ZBTB41: variants seen among roughly 807,000 people sequenced by gnomAD.
The protein encoded by ZBTB41 is zinc finger and BTB domain-containing protein 41.
ZBTB41 carries 42 observed loss-of-function variants against 87.6 expected under a neutral mutation model. That is an observed-to-expected ratio of 0.48 (90% CI 0.37 to 0.62). The LOEUF (loss-of-function observed/expected upper bound fraction) is 0.62, where lower values mean the gene tolerates loss of function less well. Among genes scored for constraint, ZBTB41 ranks in the 20% least tolerant of loss-of-function variants. ZBTB41 has a pLI of 0.00. For missense variants in ZBTB41, 799 were observed against 1,078.9 expected, an observed-to-expected ratio of 0.74 and a Z score of 3.63; for synonymous variants, 364 against 364.0, an observed-to-expected ratio of 1.00 and a Z score of 0.00.
In ZBTB41 at chr1:197,191,616, T is replaced by C; in HGVS notation, c.1328+76A>G. The C allele has an allele frequency of 7.6e-6, 9 of 1,187,340 alleles. No individual in the cohort carries two copies. In the South Asian group the frequency reaches 1.2e-4, roughly 16 times the overall value. The allele number at this position is 1,187,340 out of a possible 1,614,324, so 73.6% of individuals were successfully genotyped here. On this transcript the variant is annotated intron_variant, in intron 3 of 10. Coordinates refer to ENST00000367405, the MANE Select transcript of ZBTB41 (RefSeq NM_194314.3). ...GAAAGAATTGGAGATAAGCACTTTA[T>C]AGATGTTTTTAGCTTTCCACATATT...
intron 6 of ZBTB41, 62 bp from the exon 7 acceptor site, chr1:197,178,574 G>T: frequency 8.3e-7 from 1 of 1,198,518 alleles, no homozygotes; most frequent in Non-Finnish European, 1.1e-6. Flanking sequence ...ATAGATTTCT[G>T]GAAAACTTAC....
In ZBTB41 at chr1:197,179,370, G is replaced by T. The variant is rs1005179234; in HGVS notation, c.1677-858C>A. On this transcript the variant is annotated intron_variant, in intron 6 of 10. Transcript: ENST00000367405. ...CTCACATGTTTGTGGTGATGCTGTT[G>T]TAGACAAACATACTACATTGCCAAC... Among the ~76,000 whole-genome samples the T allele has an allele frequency of 1.7e-4, 26 of 152,042 alleles. 1 individual carries two copies. Among genetic ancestry groups the T allele is most frequent in the Non-Finnish European group, 2.4e-4 (16 of 68,002 alleles).
intron 2 of ZBTB41, among the ~76,000 whole-genome samples, chr1:197,198,153 A>C (rs1660214525): frequency 6.6e-6 from 1 of 152,190 alleles, no homozygotes; most frequent in Non-Finnish European, 1.5e-5. Context: ...TTAACAACTT[A>C]CTTGTATACA....
rs986678895 is a variant in ZBTB41, at chr1:197,155,311, TAAAAA to T, written c.*4043_*4047del. The T allele has an allele frequency of 7.2e-6, 1 of 138,174 alleles. No individual in the cohort carries two copies. Among genetic ancestry groups the T allele is most frequent in the East Asian group, 2.1e-4 (1 of 4,818 alleles). 8.6% of individuals were successfully genotyped at this position (138,174 alleles called of 1,614,324 possible). ...TTGCCTATATAAACATAAAGCAACC[TAAAAA>T]AAAAAAGTTGCCCAACCAGCAGGCA... On this transcript the variant is annotated 3_prime_UTR_variant, in exon 11 of 11. Coordinates refer to ENST00000367405, the MANE Select transcript of ZBTB41 (RefSeq NM_194314.3).
intron 10 of ZBTB41, among the ~76,000 whole-genome samples, chr1:197,161,275 G>A (rs1659193437): frequency 6.6e-6 from 1 of 152,002 alleles, no homozygotes; most frequent in South Asian, 2.1e-4. Flanking sequence ...CACTAATACT[G>A]CAGTAGACAC....
intron 10 of ZBTB41, among the ~76,000 whole-genome samples, chr1:197,160,274 A>G (rs115428687): frequency 0.014 from 2,091 of 152,244 alleles, 43 homozygotes; most frequent in African/African-American, 0.048. Flanking sequence ...TCTATGCCTA[A>G]TTTTCTCATC....
intron 7 of ZBTB41, among the ~76,000 whole-genome samples, chr1:197,177,688 T>C (rs1324114485): frequency 6.6e-6 from 1 of 152,092 alleles, no homozygotes; most frequent in Non-Finnish European, 1.5e-5. Flanking sequence ...TTAACTTGAA[T>C]TACTTTTATC....
At chr1:197,163,388 A>G (rs557755018) in intron 10 of ZBTB41, among the ~76,000 whole-genome samples, 3 of 152,076 alleles carry the variant, frequency 2.0e-5, no homozygotes, top group Non-Finnish European at 4.4e-5. Context: ...CAAAATCAAT[A>G]TGATTAATAT....
In ZBTB41 at chr1:197,158,312, G is replaced by A. The variant is rs1398864249; in HGVS notation, c.*1047C>T. The A allele has an allele frequency of 6.6e-6, 1 of 152,296 alleles. No individual in the cohort carries two copies. The highest frequency in any genetic ancestry group is 2.4e-5 in the African/African-American group (1 of 41,386). The allele number at this position is 152,296 out of a possible 1,614,324, so 9.4% of individuals were successfully genotyped here. A position where few individuals can be genotyped will look rare whatever the true frequency, so the allele number is the denominator to read the frequency against. On this transcript the variant is annotated 3_prime_UTR_variant, in exon 11 of 11. Transcript: ENST00000367405. ...GCATGTAAATCTGTATATAAGTAGT[G>A]GTTCCATTTAATTAAACAATGTTAA...
chr1:197,159,791 C>G lies in ZBTB41; in HGVS notation c.2298G>C (p.Leu766Phe). ...TGTCATCAGATGAGTACTCAACTGG[C>G]AAGGATACAAGTTTTTCCTCAGAAG... ...LSTSEEKLVS[L>F]PVEYSSDDKI... Residue 766 changes from leucine (L) to phenylalanine (F), a missense_variant, in exon 11 of 11, where the codon TTG (leucine) becomes TTC (phenylalanine). Coordinates refer to ENST00000367405, the MANE Select transcript of ZBTB41 (RefSeq NM_194314.3). The G allele has an allele frequency of 6.2e-7, 1 of 1,613,894 alleles. No homozygotes were observed. The highest frequency in any genetic ancestry group is 8.5e-7 in the Non-Finnish European group (1 of 1,179,876).
In ZBTB41 at chr1:197,181,135, A is replaced by AG; in HGVS notation, c.1547-19_1547-18insC. ...AAAAGGACCTAAAAAGGAAAAAAAA[A>AG]AAGTGTGCATTTAAAGTTTAAAGAG... On this transcript the variant is annotated intron_variant, in intron 5 of 10. Coordinates refer to ENST00000367405, the MANE Select transcript of ZBTB41 (RefSeq NM_194314.3). 1 of 1,562,448 alleles carries AG rather than the reference A, an allele frequency of 6.4e-7. No homozygotes were observed. Among genetic ancestry groups the AG allele is most frequent in the Non-Finnish European group, 8.6e-7 (1 of 1,167,196 alleles).
chr1:197,198,456 G>T (rs1660220848), intron 2 of ZBTB41, among the ~76,000 whole-genome samples: 1 of 152,042 alleles, frequency 6.6e-6, no homozygotes, highest in African/African-American at 2.4e-5. Flanking sequence ...ATTAAACTGG[G>T]TAAGTAATTT....
At chr1:197,180,378 A>T (rs1659715406) in intron 6 of ZBTB41, among the ~76,000 whole-genome samples, 1 of 152,140 alleles carries the variant, frequency 6.6e-6, no homozygotes, top group Non-Finnish European at 1.5e-5. Context: ...CGAACATAGC[A>T]CTATCATTAA....
Position 197,157,846 on chromosome 1 carries a change from T to G in ZBTB41, c.*1513A>C, listed in dbSNP as rs1557972324. ...TTGATTAAACTTTATTCATTAAAAC[T>G]TCACTGTTTTATTTGTGATTTTTTT... is the stretch of plus-strand genomic sequence containing the variant. On this transcript the variant is annotated 3_prime_UTR_variant, in exon 11 of 11. Transcript: ENST00000367405. 3.3e-5 allele frequency: 5 copies of G among 152,508 alleles called. No individual in the cohort carries two copies. The East Asian group carries it at 5.8e-4, about 18-fold the overall frequency. The allele number at this position is 152,508 out of a possible 1,614,324, so 9.4% of individuals were successfully genotyped here.
At chr1:197,185,079 G>T (rs900767813) in intron 5 of ZBTB41, among the ~76,000 whole-genome samples, 2 of 152,172 alleles carry the variant, frequency 1.3e-5, no homozygotes, top group Admixed American at 1.3e-4. Context: ...CTCCCAAAGT[G>T]CTGGCATTAC....
rs1315786040 is a variant in ZBTB41, at chr1:197,159,192, T to C, written c.*167A>G. 3.1e-6 allele frequency: 2 copies of C among 638,652 alleles called. No homozygotes were observed. Among genetic ancestry groups the C allele is most frequent in the East Asian group, 5.6e-5 (2 of 35,626 alleles). The allele number at this position is 638,652 out of a possible 1,614,324, so 39.6% of individuals were successfully genotyped here. ...TATTATGCCAGAAATTTTGTCCAAATATTCATGTTCAGTAAACAGAGACAC... is the reference window on the plus strand; with the variant it reads ...TATTATGCCAGAAATTTTGTCCAAACATTCATGTTCAGTAAACAGAGACAC... On this transcript the variant is annotated 3_prime_UTR_variant, in exon 11 of 11. Coordinates refer to ENST00000367405, the MANE Select transcript of ZBTB41 (RefSeq NM_194314.3).
chr1:197,196,005 T>C (rs1258178837), intron 2 of ZBTB41, among the ~76,000 whole-genome samples: 2 of 152,212 alleles, frequency 1.3e-5, no homozygotes, highest in African/African-American at 4.8e-5. Context: ...AGAAGGCTAA[T>C]TGGCTTCTTA....
chr1:197,167,649 TA>T (rs539550063), intron 10 of ZBTB41, among the ~76,000 whole-genome samples: 2 of 151,946 alleles, frequency 1.3e-5, no homozygotes, highest in South Asian at 4.1e-4. Context: ...ACCACATAAA[TA>T]AAAAAATATG....
Position 197,200,495 on chromosome 1 carries a change from C to T in ZBTB41, c.-22G>A, listed in dbSNP as rs771927442. On this transcript the variant is annotated 5_prime_UTR_variant, in exon 2 of 11. Coordinates refer to ENST00000367405, the MANE Select transcript of ZBTB41 (RefSeq NM_194314.3). ...TCATTGCAGTACAGCAATTTCAGAA[C>T]AAGAAACTTCATAAGTGTCTTAAGT... is the stretch of plus-strand genomic sequence containing the variant. 8 of 1,543,142 alleles carry T rather than the reference C, an allele frequency of 5.2e-6. No homozygotes were observed. Among genetic ancestry groups the T allele is most frequent in the East Asian group, 2.3e-5 (1 of 44,420 alleles).
Sources: allele counts gnomAD v4.1 joint callset (sites outside exome capture counted in the v4.1 genomes callset), GRCh38; gene constraint gnomAD v4.1.1; transcripts MANE v1.5; gene names NCBI Gene and HGNC (gene_info 2026-07-23, HGNC 2026-07-21).